Variants in ROPN1 observed in about 807,000 individuals in gnomAD.
ROPN1 encodes rhophilin associated tail protein 1.
In ROPN1, 14 loss-of-function variants were observed where a neutral mutation model predicts 20.5. The ratio of observed to expected loss-of-function variants is 0.68; its 90% CI spans 0.45 to 1.07. The LOEUF is 1.07. Among genes scored for constraint, ROPN1 ranks in the 50% least tolerant of loss-of-function variants. ROPN1 has a pLI of 0.00. For missense variants in ROPN1, 169 were observed against 242.8 expected (o/e 0.70, Z 2.02); for synonymous variants, 76 against 95.7 (o/e 0.79, Z 1.20).
At chr3:123,971,085 A>T (rs957198314) in intron 4 of ROPN1, among the ~76,000 whole-genome samples, 2 of 152,212 alleles carry the variant, frequency 1.3e-5, no homozygotes, top group Non-Finnish European at 2.9e-5. Context: ...TCAGTGAAAG[A>T]TCAGTTCTGA....
intron 2 of ROPN1, among the ~76,000 whole-genome samples, chr3:123,978,292 C>T (rs1317622092): frequency 6.6e-6 from 1 of 152,086 alleles, no homozygotes; most frequent in Non-Finnish European, 1.5e-5. Flanking sequence ...TGCAATATGA[C>T]AATAGGAGCA....
chr3:123,988,785 GAATA>G lies in ROPN1; in HGVS notation c.-13+3133_-13+3136del, dbSNP rs147790654. On this transcript the variant is annotated intron_variant, in intron 1 of 5. Coordinates refer to ENST00000405845, the MANE Select transcript of ROPN1 (RefSeq NM_001317774.2). ...AATTGTGCTGAATACTGGGATACATGAATAAATAAGTCACACACTCTGCTTCATG... is the reference window on the plus strand; with the variant it reads ...AATTGTGCTGAATACTGGGATACATGAATAAGTCACACACTCTGCTTCATG... 2.4e-3 allele frequency among the ~76,000 whole-genome samples: 367 copies of G among 152,082 alleles called. 1 individual carries two copies. Among genetic ancestry groups the G allele is most frequent in the African/African-American group, 8.1e-3 (334 of 41,468 alleles).
chr3:123,978,634 A>G (rs1425248775), intron 2 of ROPN1: 2 of 153,698 alleles, frequency 1.3e-5, no homozygotes, highest in Non-Finnish European at 2.9e-5. Flanking sequence ...TTGACAACAC[A>G]TATGTAGGGA....
At chr3:123,971,270 T>A (rs553380884) in intron 4 of ROPN1, among the ~76,000 whole-genome samples, 1 of 152,322 alleles carries the variant, frequency 6.6e-6, no homozygotes, top group African/African-American at 2.4e-5. Context: ...CCCAGGAGCG[T>A]AAGTCTATGT....
Position 123,986,018 on chromosome 3 carries a change from A to AAAAAAAAAAAAAAAAAAAAAAAAAAT in ROPN1, c.-12-5526_-12-5525insATTTTTTTTTTTTTTTTTTTTTTTTT, listed in dbSNP as rs201340337. On this transcript the variant is annotated intron_variant, in intron 1 of 5. Coordinates refer to ENST00000405845, the MANE Select transcript of ROPN1 (RefSeq NM_001317774.2). ...AAAAAAAAAAAAAAAAAAAAAAAAA[A>AAAAAAAAAAAAAAAAAAAAAAAAAAT]TCAAAATATTTAAATTATACTTGAA... Among the ~76,000 whole-genome samples the AAAAAAAAAAAAAAAAAAAAAAAAAAT allele has an allele frequency of 4.8e-4, 45 of 93,986 alleles. 15 individuals are homozygous for AAAAAAAAAAAAAAAAAAAAAAAAAAT. The East Asian group carries it at 0.012, about 24-fold the overall frequency. The allele number at this position is 93,986 out of a possible 152,430, so 61.7% of individuals were successfully genotyped here.
At chr3:123,977,175 A>T (rs1329851793) in intron 2 of ROPN1, among the ~76,000 whole-genome samples, 194 bp from the exon 3 acceptor site, 2 of 152,214 alleles carry the variant, frequency 1.3e-5, no homozygotes, top group Non-Finnish European at 2.9e-5. Flanking sequence ...CACTTAGGGC[A>T]TAGAGAATGC....
intron 1 of ROPN1, among the ~76,000 whole-genome samples, chr3:123,986,852 T>C (rs978111445): frequency 6.6e-6 from 1 of 152,206 alleles, no homozygotes; most frequent in African/African-American, 2.4e-5. Flanking sequence ...TCAGGCATGG[T>C]CCACCAGTGC....
chr3:123,969,896 G>T (rs12637464), intron 5 of ROPN1, 146 bp downstream of exon 5: 6 of 779,212 alleles, frequency 7.7e-6, no homozygotes, highest in South Asian at 2.2e-5. Context: ...TCCCTTTCCC[G>T]TTTTCTTTCA....
intron 4 of ROPN1, among the ~76,000 whole-genome samples, chr3:123,972,484 T>C (rs2037935608): frequency 6.6e-6 from 1 of 152,248 alleles, no homozygotes; most frequent in African/African-American, 2.4e-5. Flanking sequence ...CCAGTGAACA[T>C]GATTATTTTC....
At chr3:123,977,351 G>A (rs1388964911) in intron 2 of ROPN1, among the ~76,000 whole-genome samples, 2 of 152,212 alleles carry the variant, frequency 1.3e-5, no homozygotes, top group Non-Finnish European at 2.9e-5. Flanking sequence ...ATATTGGGAA[G>A]AGAAGTTGGA....
chr3:123,976,335 A>C (rs893694041), intron 3 of ROPN1, among the ~76,000 whole-genome samples: 1 of 152,132 alleles, frequency 6.6e-6, no homozygotes, highest in African/African-American at 2.4e-5. Context: ...GTGCTCAACC[A>C]TATGTCCTGG....
At chr3:123,978,574 G>A (rs2038071866) in intron 2 of ROPN1, 1 of 153,768 alleles carries the variant, frequency 6.5e-6, no homozygotes, top group South Asian at 2.1e-4. Context: ...ATGCCTACCA[G>A]AGGACAAATA....
chr3:123,977,977 G>A (rs1052713826), intron 2 of ROPN1, among the ~76,000 whole-genome samples: 7 of 152,174 alleles, frequency 4.6e-5, no homozygotes, highest in African/African-American at 1.7e-4. Context: ...GGTTATTGAC[G>A]ATCCATGAAC....
chr3:123,987,017 C>A (rs2038276071), intron 1 of ROPN1, among the ~76,000 whole-genome samples: 1 of 152,272 alleles, frequency 6.6e-6, no homozygotes. Flanking sequence ...TCAGGTCCAA[C>A]AGTTCCCCTA....
intron 2 of ROPN1, chr3:123,980,092 C>G: frequency 1.9e-6 from 1 of 536,304 alleles, no homozygotes; most frequent in Non-Finnish European, 3.3e-6. Context: ...GTGACGCGGT[C>G]ATCTAACTTG....
chr3:123,970,078 T>A lies in ROPN1; in HGVS notation c.536A>T (p.His179Leu). Reference protein sequence around the residue: ...AKVDGEISASHVSRMLNYMEQ... With the variant: ...AKVDGEISASLVSRMLNYMEQ... ...CATGTAGTTTAGCATCCTGCTGACA[T>A]GTGATGCAGAGATCTCCCCATCCAC... is the stretch of plus-strand genomic sequence containing the variant. The change falls in exon 5 of 6, where the codon CAT (histidine) becomes CTT (leucine). Residue 179 changes from histidine to leucine, a missense_variant. Physicochemically the swap from His to Leu is moderately conservative, Grantham distance 99. Coordinates refer to ENST00000405845, the MANE Select transcript of ROPN1 (RefSeq NM_001317774.2). The A allele has an allele frequency of 6.2e-7, 1 of 1,614,210 alleles. No individual in the cohort carries two copies. The highest frequency in any genetic ancestry group is 2.2e-5 in the East Asian group (1 of 44,886).
intron 4 of ROPN1, among the ~76,000 whole-genome samples, chr3:123,970,561 C>A (rs886990880): frequency 6.6e-6 from 1 of 152,078 alleles, no homozygotes; most frequent in African/African-American, 2.4e-5. Flanking sequence ...AGAATTATTT[C>A]TTCTTATTAC....
At chr3:123,980,533 C>A (rs769558896) in intron 1 of ROPN1, 40 bp from the exon 2 acceptor site, 6 of 1,581,828 alleles carry the variant, frequency 3.8e-6, no homozygotes, top group Non-Finnish European at 5.2e-6. Context: ...ATGAAAACTT[C>A]GATTCATACG....
intron 1 of ROPN1, chr3:123,980,702 A>G (rs2038125456): frequency 2.1e-6 from 1 of 467,036 alleles, no homozygotes; most frequent in Non-Finnish European, 3.8e-6. Context: ...TCCTTTACAT[A>G]AAAATTACAC....
Sources: allele counts gnomAD v4.1 joint callset (sites outside exome capture counted in the v4.1 genomes callset), GRCh38; gene constraint gnomAD v4.1.1; transcripts MANE v1.5; gene names NCBI Gene and HGNC (gene_info 2026-07-23, HGNC 2026-07-21).